Variants in LIMK2 observed in about 807,000 individuals in gnomAD.
The protein encoded by LIMK2 is LIM domain kinase 2.
LIMK2 carries 35 observed loss-of-function variants against 75.7 expected under a neutral mutation model. The ratio of observed to expected loss-of-function variants is 0.46; its 90% CI spans 0.35 to 0.61. The LOEUF (loss-of-function observed/expected upper bound fraction) is 0.61. LIMK2 is among the 20% of genes least tolerant of loss of function. The pLI is 0.00. For missense variants in LIMK2, 623 were observed against 831.0 expected, an observed-to-expected ratio of 0.75 and a Z score of 3.08; for synonymous variants, 301 against 319.2, an observed-to-expected ratio of 0.94 and a Z score of 0.61.
chr22:31,263,875 C>T (rs1384017573), intron 7 of LIMK2, among the ~76,000 whole-genome samples: 3 of 152,078 alleles, frequency 2.0e-5, no homozygotes, highest in Non-Finnish European at 4.4e-5. Context: ...CCTGTAATCC[C>T]AGCTACTCAA....
intron 2 of LIMK2, among the ~76,000 whole-genome samples, chr22:31,226,700 C>A (rs898892232): frequency 4.6e-5 from 7 of 152,246 alleles, no homozygotes; most frequent in Admixed American, 4.6e-4. Flanking sequence ...ACCTCTGCCC[C>A]CCGAGTTCAA....
At chr22:31,242,169 T>C (rs1195141949) in intron 2 of LIMK2, among the ~76,000 whole-genome samples, 1 of 152,204 alleles carries the variant, frequency 6.6e-6, no homozygotes, top group Non-Finnish European at 1.5e-5. Context: ...AGATAAGGTC[T>C]CATGATGAGT....
chr22:31,257,085 T>G (rs2123831625), intron 2 of LIMK2, among the ~76,000 whole-genome samples: 1 of 134,752 alleles, frequency 7.4e-6, no homozygotes, highest in Non-Finnish European at 1.6e-5. Context: ...AGAGACGGGG[T>G]CTTACTATGT....
chr22:31,222,734 T>C (rs573047193), intron 1 of LIMK2: 1 of 152,094 alleles, frequency 6.6e-6, no homozygotes, highest in East Asian at 1.9e-4. Context: ...AAAATTAGAT[T>C]TTAAAACTAA....
chr22:31,232,552 T>C (rs749520369), intron 2 of LIMK2, among the ~76,000 whole-genome samples: 7 of 152,204 alleles, frequency 4.6e-5, no homozygotes, highest in Non-Finnish European at 1.0e-4. Flanking sequence ...GTCATCAAAT[T>C]AGGCACTGTG....
intron 2 of LIMK2, chr22:31,248,820 G>T (rs780903669): frequency 6.3e-7 from 1 of 1,590,202 alleles, no homozygotes; most frequent in East Asian, 2.2e-5. Context: ...CCCTGGTCCT[G>T]AGAGGAGGGT....
intron 2 of LIMK2, among the ~76,000 whole-genome samples, chr22:31,255,851 A>G (rs1485795330): frequency 6.6e-6 from 1 of 152,074 alleles, no homozygotes; most frequent in South Asian, 2.1e-4. Flanking sequence ...GTTATTTTCA[A>G]TGAGAGAAAG....
In LIMK2 at chr22:31,214,949, C is replaced by T. The variant is rs143854018; in HGVS notation, c.16+2525C>T. On this transcript the variant is annotated intron_variant, in intron 1 of 15. Transcript: ENST00000331728. ...TAGCTGGGACTACAGGCAAGTGCTA[C>T]CACGCCCAGCTAATTTTTTGTATTT... Among the ~76,000 whole-genome samples the T allele has an allele frequency of 1.6e-3, 244 of 152,292 alleles. 2 individuals are homozygous for T. Among genetic ancestry groups the T allele is most frequent in the African/African-American group, 5.7e-3 (237 of 41,564 alleles).
intron 1 of LIMK2, among the ~76,000 whole-genome samples, chr22:31,220,030 A>G (rs549032192): frequency 1.3e-5 from 2 of 152,352 alleles, no homozygotes; most frequent in Admixed American, 6.5e-5. Flanking sequence ...ATCCTCCACT[A>G]GGCTTCACAG....
intron 5 of LIMK2, among the ~76,000 whole-genome samples, chr22:31,260,717 T>C (rs549077178): frequency 1.3e-5 from 2 of 152,268 alleles, no homozygotes; most frequent in South Asian, 4.1e-4. Flanking sequence ...ATACTAGAGT[T>C]TGGGAAGTCA....
chr22:31,233,766 C>G (rs1366585511), intron 2 of LIMK2, among the ~76,000 whole-genome samples: 1 of 152,196 alleles, frequency 6.6e-6, no homozygotes, highest in African/African-American at 2.4e-5. Context: ...CACCATCCAC[C>G]CAGTGCCTAA....
At chr22:31,232,692 C>T (rs2048539891) in intron 2 of LIMK2, among the ~76,000 whole-genome samples, 1 of 152,022 alleles carries the variant, frequency 6.6e-6, no homozygotes, top group South Asian at 2.1e-4. Flanking sequence ...TTACTATAGC[C>T]TCAATCTCCC....
In LIMK2 at chr22:31,259,182, T is replaced by C. The variant is rs772794184; in HGVS notation, c.314T>C (p.Ile105Thr). ...GCCTGTATGAGCTGCAAGGTGATCA[T>C]TGAGGATGGGGATGCATATGCACTG... ...CFACMSCKVI[I>T]EDGDAYALVQ... Residue 105 changes from isoleucine to threonine, a missense_variant, in exon 4 of 16, where the codon ATT becomes ACT. By Grantham distance (89) the Ile-to-Thr change is moderately conservative. This residue lies in a region of LIMK2 where 514 missense variants were observed against 661.3 expected (regional missense o/e 0.78). Transcript: ENST00000331728. 6.2e-7 allele frequency: 1 copy of C among 1,613,890 alleles called. No homozygotes were observed. The highest frequency in any genetic ancestry group is 1.1e-5 in the South Asian group (1 of 91,076).
chr22:31,260,628 G>A (rs1277404457), intron 5 of LIMK2, among the ~76,000 whole-genome samples: 1 of 152,182 alleles, frequency 6.6e-6, no homozygotes, highest in East Asian at 1.9e-4. Flanking sequence ...TCGTACCTCT[G>A]GCCGCTTACC....
Position 31,260,095 on chromosome 22 carries a change from C to G in LIMK2, c.551+18C>G, listed in dbSNP as rs757204206. On this transcript the variant is annotated intron_variant, in intron 5 of 15. Coordinates refer to ENST00000331728, the MANE Select transcript of LIMK2 (RefSeq NM_005569.4). ...GTGAAAGAGTAAGTATTTTGAGAAC[C>G]CTTCAGCAGGGGTTCTTGAGCAGAG... 1.3e-6 allele frequency: 2 copies of G among 1,537,122 alleles called. No homozygotes were observed. Among genetic ancestry groups the G allele is most frequent in the African/African-American group, 2.8e-5 (2 of 71,822 alleles).
intron 2 of LIMK2, chr22:31,248,624 G>A: frequency 6.2e-7 from 1 of 1,612,510 alleles, no homozygotes; most frequent in Non-Finnish European, 8.5e-7. Context: ...GGTGCCGGGA[G>A]CCCCGGGCCT....
Position 31,256,466 on chromosome 22 carries a change from G to A in LIMK2, c.117-1825G>A, listed in dbSNP as rs182179623. Among the ~76,000 whole-genome samples, 781 of 150,702 alleles carry A rather than the reference G, an allele frequency of 5.2e-3. 5 individuals carry two copies. The highest frequency in any genetic ancestry group is 0.018 in the African/African-American group (737 of 40,938). ...AGTGATTCTCCTGCCTCAGCCTCCC[G>A]AGTAGCTGGGATTATAGGTGCATGC... On this transcript the variant is annotated intron_variant, in intron 2 of 15. Coordinates refer to ENST00000331728, the MANE Select transcript of LIMK2 (RefSeq NM_005569.4).
At position 31,262,291 on chromosome 22, in the gene LIMK2, T is replaced by C. The variant is rs750367200; in HGVS notation, c.657+52T>C. 3 of 1,396,490 alleles carry C rather than the reference T, an allele frequency of 2.1e-6. No homozygotes were observed. Among genetic ancestry groups the C allele is most frequent in the Non-Finnish European group, 3.1e-6 (3 of 981,722 alleles). The allele number at this position is 1,396,490 out of a possible 1,614,324, so 86.5% of individuals were successfully genotyped here. A position where few individuals can be genotyped will look rare whatever the true frequency, so the allele number is the denominator to read the frequency against. On this transcript the variant is annotated intron_variant, in intron 6 of 15. Transcript: ENST00000331728. The surrounding 1 kb of genome is among the most constrained non-coding windows in gnomAD (Gnocchi z 5.0). ...TGAGGGTGGGACATGGAACAGATCCTCTGAGAAATCAGGCTGTAGCCTTTA... is the reference window on the plus strand; with the variant it reads ...TGAGGGTGGGACATGGAACAGATCCCCTGAGAAATCAGGCTGTAGCCTTTA...
rs2048898238 is a variant in LIMK2, at chr22:31,266,571, T to G, written c.1042-413T>G. Among the ~76,000 whole-genome samples, 3 of 152,062 alleles carry G rather than the reference T, an allele frequency of 2.0e-5. No homozygotes were observed. In the South Asian group the frequency reaches 6.2e-4, roughly 32 times the overall value. On this transcript the variant is annotated intron_variant, in intron 8 of 15. Transcript: ENST00000331728. ...GTCAGGTAAGACGTGTGTCTCAGCT[T>G]GGGGGCAGCAGGGCTGGAGAGCTCA...
Sources: allele counts gnomAD v4.1 joint callset (sites outside exome capture counted in the v4.1 genomes callset), GRCh38; gene constraint gnomAD v4.1.1; regional missense constraint gnomAD v4.1.1; non-coding constraint Gnocchi (gnomAD v3.1); transcripts MANE v1.5; gene names NCBI Gene and HGNC (gene_info 2026-07-23, HGNC 2026-07-21).